Variants in TMEM68 observed in about 807,000 individuals in gnomAD.
TMEM68 encodes the protein transmembrane protein 68, also known as DGAT1/2-independent enzyme synthesizing storage lipids.
In TMEM68, 25 loss-of-function variants were observed where a neutral mutation model predicts 36.9. That is an observed-to-expected ratio of 0.68 (90% CI 0.49 to 0.95). The LOEUF is 0.95. Among genes scored for constraint, TMEM68 ranks in the 40% least tolerant of loss-of-function variants. TMEM68 has a pLI of 0.00. For missense variants in TMEM68, 333 were observed against 392.0 expected (o/e 0.85, Z 1.27); for synonymous variants, 131 against 124.4 (o/e 1.05, Z -0.35).
intron 5 of TMEM68, 54 bp from the exon 6 acceptor site, chr8:55,745,175 T>A (rs1810232993): frequency 8.0e-7 from 1 of 1,248,046 alleles, no homozygotes; most frequent in African/African-American, 1.5e-5. Context: ...CCATTCAATG[T>A]CTCCATTAGA....
chr8:55,772,245 A>G (rs928082600), intron 1 of TMEM68, among the ~76,000 whole-genome samples: 1 of 152,238 alleles, frequency 6.6e-6, no homozygotes, highest in Non-Finnish European at 1.5e-5. Context: ...TACTATTGAA[A>G]ATACCATTCA....
At chr8:55,744,240 T>C (rs1266667850) in intron 6 of TMEM68, among the ~76,000 whole-genome samples, 1 of 59,940 alleles carries the variant, frequency 1.7e-5, no homozygotes, top group Non-Finnish European at 3.5e-5. Flanking sequence ...TGACCAAACA[T>C]GAAATTTACC....
chr8:55,758,432 G>A (rs1182181308), intron 3 of TMEM68, among the ~76,000 whole-genome samples: 2 of 152,008 alleles, frequency 1.3e-5, no homozygotes, highest in African/African-American at 4.8e-5. Flanking sequence ...AAAATAGCAA[G>A]AAAAAAACCC....
At chr8:55,740,778 C>T (rs1214924716) in intron 7 of TMEM68, among the ~76,000 whole-genome samples, 3 of 151,668 alleles carry the variant, frequency 2.0e-5, no homozygotes, top group African/African-American at 4.8e-5. Flanking sequence ...AGGCTGGTCT[C>T]GAACTCCTGG....
intron 4 of TMEM68, among the ~76,000 whole-genome samples, chr8:55,754,284 G>A (rs1441698226): frequency 6.6e-6 from 1 of 151,118 alleles, no homozygotes; most frequent in Non-Finnish European, 1.5e-5. Flanking sequence ...AATTAGCCAG[G>A]TGTGGTGGCG....
intron 1 of TMEM68, among the ~76,000 whole-genome samples, chr8:55,771,348 TCCTAA>T (rs923399741): frequency 6.6e-6 from 1 of 152,022 alleles, no homozygotes; most frequent in African/African-American, 2.4e-5. Flanking sequence ...ATGCCTATAA[TCCTAA>T]CACTTTGGGA....
chr8:55,770,075 A>G (rs947988580), intron 1 of TMEM68, among the ~76,000 whole-genome samples: 3 of 152,236 alleles, frequency 2.0e-5, no homozygotes, highest in African/African-American at 7.2e-5. Context: ...AAGTGTCTTT[A>G]AATCTCAATG....
chr8:55,753,355 C>T lies in TMEM68; in HGVS notation c.494-2198G>A, dbSNP rs147678010. 3.6e-3 allele frequency among the ~76,000 whole-genome samples: 548 copies of T among 151,964 alleles called. 14 individuals carry two copies. The highest frequency in any genetic ancestry group is 0.028 in the Admixed American group (425 of 15,246). The stretch of plus-strand genomic sequence containing the variant: ...AATCTTAAAAAAAAACCCCACAAAA[C>T]TGTTTGCCTATGTTACTGTAAGTAA... On this transcript the variant is annotated intron_variant, in intron 4 of 7. Transcript: ENST00000434581.
intron 3 of TMEM68, among the ~76,000 whole-genome samples, 164 bp from the exon 4 acceptor site, chr8:55,756,575 G>T (rs905101977): frequency 2.8e-4 from 42 of 151,798 alleles, no homozygotes; most frequent in African/African-American, 1.0e-3. Context: ...TTTCTTTCTT[G>T]AACAAATCAG....
In TMEM68 at chr8:55,745,077, T is replaced by C; in HGVS notation, c.732A>G (p.Arg244=). The C allele has an allele frequency of 6.7e-7, 1 of 1,497,380 alleles. No individual in the cohort carries two copies. Among genetic ancestry groups the C allele is most frequent in the Non-Finnish European group, 8.9e-7 (1 of 1,128,544 alleles). 92.8% of individuals were successfully genotyped at this position (1,497,380 alleles called of 1,614,324 possible). A position where few individuals can be genotyped will look rare whatever the true frequency, so the allele number is the denominator to read the frequency against. The change falls in exon 6 of 8, where the codon AGA becomes AGG. Residue 244 remains arginine, a synonymous_variant. Transcript: ENST00000434581. ...AGAACTTACTTGTTCCTCCAAGTGA[T>C]CTAAATCCTTCTCGAATATTTTGTG... ...MFTQNIREGF[R]SLGGTRLFRW...
chr8:55,744,559 G>A lies in TMEM68; in HGVS notation c.748+502C>T, dbSNP rs532706891. On this transcript the variant is annotated intron_variant, in intron 6 of 7. Coordinates refer to ENST00000434581, the MANE Select transcript of TMEM68 (RefSeq NM_001286657.2). ...CCTGACCTTGTGATCCACCCACCTC[G>A]GCCTCCCAAAGTGCTAGGATTACAG... Among the ~76,000 whole-genome samples the A allele has an allele frequency of 1.3e-4, 20 of 151,854 alleles. No homozygotes were observed. In the South Asian group the frequency reaches 1.5e-3, roughly 11 times the overall value.
intron 3 of TMEM68, among the ~76,000 whole-genome samples, chr8:55,759,757 C>A (rs1171832352): frequency 6.6e-6 from 1 of 152,052 alleles, no homozygotes; most frequent in African/African-American, 2.4e-5. Flanking sequence ...TTAAACAATT[C>A]TTTAGAAATT....
chr8:55,759,442 G>A (rs893164096), intron 3 of TMEM68, among the ~76,000 whole-genome samples: 1 of 151,932 alleles, frequency 6.6e-6, no homozygotes, highest in African/African-American at 2.4e-5. Flanking sequence ...GTGGTGGCAT[G>A]TGCCTATAGT....
In TMEM68 at chr8:55,743,608, C is replaced by T; in HGVS notation, c.761G>A (p.Trp254Ter). ...TGGATAGCGGAATTTTTCATAAAGC[C>T]ACCTAAATAACCCTGTTTTAGAGTA... ...RSLGGTRLFRWLYEKFRYPFA... is the reference protein window; with the variant it reads ...RSLGGTRLFR The change falls in exon 7 of 8, where the codon TGG becomes TAG. Residue 254 changes from tryptophan (W) to a stop codon, truncating the protein, a stop_gained. Transcript: ENST00000434581. LOFTEE classifies it high-confidence loss of function. The T allele has an allele frequency of 1.3e-6, 2 of 1,534,966 alleles. No individual in the cohort carries two copies. The highest frequency in any genetic ancestry group is 8.7e-7 in the Non-Finnish European group (1 of 1,146,488).
intron 2 of TMEM68, 107 bp from the exon 3 acceptor site, chr8:55,763,135 T>C (rs1444867517): frequency 1.8e-6 from 1 of 560,388 alleles, no homozygotes; most frequent in African/African-American, 1.9e-5. Context: ...CCAAAATGAG[T>C]AGATGGTTAA....
chr8:55,740,340 T>C, intron 7 of TMEM68, 122 bp from the exon 8 acceptor site: 2 of 678,812 alleles, frequency 2.9e-6, no homozygotes, highest in South Asian at 4.7e-5. Flanking sequence ...TATATTTCTC[T>C]TTTTTATAGA....
rs151007332 is a variant in TMEM68, at chr8:55,748,582, GGA to G, written c.687+2380_687+2381del. Among the ~76,000 whole-genome samples the G allele has an allele frequency of 1.9e-4, 28 of 151,028 alleles. 1 individual carries two copies. Among genetic ancestry groups the G allele is most frequent in the African/African-American group, 4.6e-4 (19 of 41,160 alleles). On this transcript the variant is annotated intron_variant, in intron 5 of 7. Coordinates refer to ENST00000434581, the MANE Select transcript of TMEM68 (RefSeq NM_001286657.2). ...GGAGGGAGGGGAGGGAGGAAGGGGG[GGA>G]GAGAGAGAGAGAGAATATATATGTA...
intron 3 of TMEM68, among the ~76,000 whole-genome samples, 164 bp from the exon 4 acceptor site, chr8:55,756,575 G>A (rs905101977): frequency 1.3e-5 from 2 of 151,798 alleles, no homozygotes; most frequent in Admixed American, 1.3e-4. Context: ...TTTCTTTCTT[G>A]AACAAATCAG....
At chr8:55,761,691 T>G (rs546864723) in intron 3 of TMEM68, 9 of 152,154 alleles carry the variant, frequency 5.9e-5, no homozygotes, top group Admixed American at 5.9e-4. Context: ...CAAAAAAAAT[T>G]TGTAGGTTCG....
Sources: gnomAD v4.1 joint callset for allele counts (sites outside exome capture counted in the v4.1 genomes callset) on GRCh38, gnomAD v4.1.1 for gene constraint, MANE v1.5 for transcripts, NCBI Gene and HGNC (gene_info 2026-07-23, HGNC 2026-07-21) for gene names.